OVCH1: variants seen among roughly 807,000 people sequenced by gnomAD.
OVCH1 encodes the protein ovochymase 1.
Under a neutral mutation model 138.4 loss-of-function variants are expected in OVCH1, and 139 were observed. That is an observed-to-expected ratio of 1.00 (90% confidence interval 0.87 to 1.16). The LOEUF is 1.16. OVCH1 is among the 50% of genes most tolerant of loss of function. OVCH1 has a pLI of 0.00. For synonymous variants in OVCH1, 453 were observed against 467.8 expected, an observed-to-expected ratio of 0.97 and a Z score of 0.41; for missense variants, 1,367 against 1,357.9, an observed-to-expected ratio of 1.01 and a Z score of -0.11.
At chr12:29,416,457 G>T (rs753847312) in intron 3 of OVCH1, among the ~76,000 whole-genome samples, 2 of 152,066 alleles carry the variant, frequency 1.3e-5, no homozygotes, top group South Asian at 2.1e-4. Context: ...CTCAAACTCC[G>T]CACAGTAAGA....
intron 13 of OVCH1, 125 bp downstream of exon 13, chr12:29,476,081 C>T: frequency 1.3e-6 from 1 of 778,592 alleles, no homozygotes; most frequent in South Asian, 1.6e-5. Flanking sequence ...GTATGGCATT[C>T]TGAGTTTCCA....
the OVCH1 span, among the ~76,000 whole-genome samples, chr12:29,403,327 A>T: frequency 6.6e-6 from 1 of 152,178 alleles, no homozygotes; most frequent in Non-Finnish European, 1.5e-5. Flanking sequence ...AAGTTGTTTG[A>T]ATATATATAT....
chr12:29,461,358 TG>T (rs1942125468), intron 19 of OVCH1, among the ~76,000 whole-genome samples: 2 of 152,222 alleles, frequency 1.3e-5, no homozygotes, highest in African/African-American at 4.8e-5. Flanking sequence ...GTCTTTTTCT[TG>T]GTTAATTATG....
At chr12:29,427,761 G>T (rs1490842596) in intron 27 of OVCH1, 2 of 1,387,856 alleles carry the variant, frequency 1.4e-6, no homozygotes, top group African/African-American at 2.9e-5. Flanking sequence ...TAGCAACAGG[G>T]GTCTATATTC....
At chr12:29,448,440 G>A (rs1175224184) in intron 22 of OVCH1, among the ~76,000 whole-genome samples, 1 of 151,910 alleles carries the variant, frequency 6.6e-6, no homozygotes, top group Non-Finnish European at 1.5e-5. Context: ...TCATTAAGAA[G>A]GTGACATTCC....
intron 4 of OVCH1, among the ~76,000 whole-genome samples, chr12:29,493,595 GTTCCAT>G (rs1943331607): frequency 6.6e-6 from 1 of 152,046 alleles, no homozygotes; most frequent in Non-Finnish European, 1.5e-5. Context: ...AGATTGTCTA[GTTCCAT>G]ACACCTAATC....
At chr12:29,478,855 G>A in exon 9 of OVCH1, 1 of 1,590,300 alleles carries the variant, frequency 6.3e-7, no homozygotes, top group African/African-American at 1.4e-5. Flanking sequence ...TCCACTGCTT[G>A]ATCGTAAAGA....
At chr12:29,465,982 C>T (rs965279112) in intron 16 of OVCH1, among the ~76,000 whole-genome samples, 5 of 151,024 alleles carry the variant, frequency 3.3e-5, no homozygotes, top group African/African-American at 1.2e-4. Context: ...ACATTCTCAG[C>T]AAACTATCGC....
chr12:29,447,928 C>A (rs1419052123), intron 22 of OVCH1, among the ~76,000 whole-genome samples: 2 of 151,686 alleles, frequency 1.3e-5, no homozygotes, highest in East Asian at 3.9e-4. Flanking sequence ...TACAAACAGG[C>A]AAAAATTCCA....
intron 19 of OVCH1, among the ~76,000 whole-genome samples, chr12:29,456,767 A>T (rs1414322982): frequency 6.6e-6 from 1 of 152,240 alleles, no homozygotes; most frequent in Non-Finnish European, 1.5e-5. Flanking sequence ...TAGGAAACCT[A>T]CCACAATATC....
chr12:29,413,766 C>T (rs957623504), intron 3 of OVCH1, among the ~76,000 whole-genome samples: 2 of 152,046 alleles, frequency 1.3e-5, no homozygotes, highest in African/African-American at 4.8e-5. Flanking sequence ...TATCTGCTAT[C>T]CTGGATCATT....
At chr12:29,402,296 T>G in the OVCH1 span, among the ~76,000 whole-genome samples, 1 of 152,180 alleles carries the variant, frequency 6.6e-6, no homozygotes, top group Non-Finnish European at 1.5e-5. Flanking sequence ...CTATTGCAAA[T>G]CTCATCTTTC....
At chr12:29,439,605 A>G (rs1481392083) in intron 25 of OVCH1, among the ~76,000 whole-genome samples, 2 of 152,104 alleles carry the variant, frequency 1.3e-5, no homozygotes, top group Non-Finnish European at 2.9e-5. Context: ...TTTTCCCTCC[A>G]CAACAATTGG....
rs370162659 is a variant in OVCH1 at position 29,496,240 on chromosome 12, T to G, written c.222A>C (p.Gly74=). Residue 74 remains glycine (G), a synonymous_variant, in exon 3 of 28, where the codon GGA becomes GGC. Coordinates refer to ENST00000318184, the Ensembl canonical transcript of OVCH1. ...CAACCCGATCTTCTTGAATCAAGCT[T>G]CCTCCACAGAAGTGGTGCTCATCTG... The G allele has an allele frequency of 7.3e-5, 118 of 1,609,350 alleles. No individual in the cohort carries two copies. In the Middle Eastern group the frequency reaches 1.7e-3, roughly 23 times the overall value.
chr12:29,416,099 A>G (rs915457935), intron 3 of OVCH1, among the ~76,000 whole-genome samples: 1 of 152,020 alleles, frequency 6.6e-6, no homozygotes, highest in Admixed American at 6.6e-5. Flanking sequence ...GGAAAAAGGA[A>G]AGGATAGAGA....
intron 8 of OVCH1, among the ~76,000 whole-genome samples, 102 bp downstream of exon 9, chr12:29,484,611 G>A (rs959121716): frequency 6.6e-6 from 1 of 152,068 alleles, no homozygotes; most frequent in African/African-American, 2.4e-5. Flanking sequence ...GCAACGTAGG[G>A]AGACCTTGTC....
At chr12:29,489,471 C>T (rs766821983) in intron 6 of OVCH1, 149 bp downstream of exon 6, 46 of 923,404 alleles carry the variant, frequency 5.0e-5, no homozygotes, top group Non-Finnish European at 9.3e-6. Context: ...AGGTCAAGTA[C>T]ACTTTTTCAG....
At chr12:29,484,550 T>A (rs543198503) in intron 8 of OVCH1, among the ~76,000 whole-genome samples, 163 bp downstream of exon 9, 1 of 152,124 alleles carries the variant, frequency 6.6e-6, no homozygotes. Flanking sequence ...TACTACTTAG[T>A]ACGCTGGGGT....
chr12:29,465,279 C>T (rs1592075172), intron 16 of OVCH1, 60 bp from the exon 17 acceptor site: 2 of 1,392,706 alleles, frequency 1.4e-6, no homozygotes, highest in East Asian at 2.5e-5. Flanking sequence ...AGTTTGTTCT[C>T]ACACTGCTAT....
Sources: gnomAD v4.1 joint callset for allele counts (sites outside exome capture counted in the v4.1 genomes callset) on GRCh38, gnomAD v4.1.1 for gene constraint, MANE v1.5 for transcripts, NCBI Gene and HGNC (gene_info 2026-07-23, HGNC 2026-07-21) for gene names.